Variants in ZNF385A observed in about 807,000 individuals in gnomAD.
ZNF385A encodes the protein hematopoietic zinc finger protein.
In ZNF385A, 14 loss-of-function variants were observed where a neutral mutation model predicts 32.1. The ratio of observed to expected loss-of-function variants is 0.44; its 90% confidence interval spans 0.29 to 0.68. The LOEUF is 0.68. Ranked by LOEUF, ZNF385A falls within the 30% of genes least tolerant of loss-of-function variation. The pLI is 0.14. For synonymous variants in ZNF385A, 197 were observed against 202.7 expected, an observed-to-expected ratio of 0.97 and a Z score of 0.24; for missense variants, 406 against 478.4, an observed-to-expected ratio of 0.85 and a Z score of 1.41.
At position 54,369,881 on chromosome 12, in the gene ZNF385A, A is replaced by C; in HGVS notation, c.*375T>G. On this transcript the variant is annotated 3_prime_UTR_variant, in exon 7 of 7. Coordinates refer to ENST00000394313, the MANE Select transcript of ZNF385A (RefSeq NM_015481.3). ...AGTCCGCTTATTGCCAAGAAAATCCATTTCTGTCCCCCCCGGACCCCGACC... is the reference window on the plus strand; with the variant it reads ...AGTCCGCTTATTGCCAAGAAAATCCCTTTCTGTCCCCCCCGGACCCCGACC... The C allele has an allele frequency of 5.7e-6, 1 of 175,614 alleles. No homozygotes were observed. The allele number at this position is 175,614 out of a possible 1,614,324, so 10.9% of individuals were successfully genotyped here. A position where few individuals can be genotyped will look rare whatever the true frequency, so the allele number is the denominator to read the frequency against.
chr12:54,377,984 C>A (rs1390376396), intron 1 of ZNF385A, among the ~76,000 whole-genome samples: 1 of 152,188 alleles, frequency 6.6e-6, no homozygotes, highest in African/African-American at 2.4e-5. Flanking sequence ...GGACTGGCCA[C>A]CCCAACATCC....
At chr12:54,381,302 G>T (rs140225854) in intron 1 of ZNF385A, 3 of 151,108 alleles carry the variant, frequency 2.0e-5, no homozygotes, top group African/African-American at 7.3e-5. Context: ...ACTTGCCTAA[G>T]ATCACACAGC....
At chr12:54,384,830 C>T (rs977364591), upstream of ZNF385A, 1 of 1,206,240 alleles carries the variant, frequency 8.3e-7, no homozygotes, top group Non-Finnish European at 1.0e-6. Flanking sequence ...ACTCCTTAGG[C>T]ACATTACAGA....
At chr12:54,386,625 C>T (rs934323615), upstream of ZNF385A, among the ~76,000 whole-genome samples, 1 of 152,158 alleles carries the variant, frequency 6.6e-6, no homozygotes, top group Non-Finnish European at 1.5e-5. Context: ...AACCTGAGTG[C>T]TCCCAGAGTC....
chr12:54,385,667 T>C, upstream of ZNF385A: 5 of 985,384 alleles, frequency 5.1e-6, no homozygotes, highest in Non-Finnish European at 6.0e-6. Context: ...CCACCCCCTT[T>C]CATACCTTTA....
At chr12:54,384,390 C>A in intron 1 of ZNF385A, 38 bp downstream of exon 1, 1 of 1,547,216 alleles carries the variant, frequency 6.5e-7, no homozygotes, top group Non-Finnish European at 8.7e-7. Context: ...AAGGTCGGGT[C>A]ACAAGAGGAT....
chr12:54,375,782 C>T, intron 2 of ZNF385A, 62 bp downstream of exon 2: 2 of 1,448,456 alleles, frequency 1.4e-6, no homozygotes, highest in East Asian at 2.3e-5. Context: ...CTCTGCCCTC[C>T]CTCAAGTTCC....
chr12:54,380,555 G>A (rs568478646), intron 1 of ZNF385A, among the ~76,000 whole-genome samples: 200 of 152,118 alleles, frequency 1.3e-3, no homozygotes, highest in African/African-American at 4.2e-3. Context: ...GATGCAGCCC[G>A]CCACACTCTC....
At chr12:54,378,737 GGAAGGGGCT>G (rs1291653324) in intron 1 of ZNF385A, among the ~76,000 whole-genome samples, 3 of 152,120 alleles carry the variant, frequency 2.0e-5, no homozygotes, top group Non-Finnish European at 4.4e-5. Flanking sequence ...AGGGATGCTG[GGAAGGGGCT>G]GGGGCTGGAG....
At chr12:54,385,561 C>T, upstream of ZNF385A, 1 of 902,232 alleles carries the variant, frequency 1.1e-6, no homozygotes, top group Non-Finnish European at 1.3e-6. Flanking sequence ...TTCCCAGGAA[C>T]AAAGGCAAAC....
intron 3 of ZNF385A, among the ~76,000 whole-genome samples, chr12:54,372,071 A>T (rs1274132318): frequency 6.6e-6 from 1 of 152,196 alleles, no homozygotes; most frequent in Non-Finnish European, 1.5e-5. Flanking sequence ...CTGCCAGGAC[A>T]GCCCCTTCCT....
At chr12:54,377,507 G>A (rs1487623756) in intron 1 of ZNF385A, among the ~76,000 whole-genome samples, 1 of 152,168 alleles carries the variant, frequency 6.6e-6, no homozygotes, top group African/African-American at 2.4e-5. Context: ...GTCATGTACT[G>A]TGCGTACATC....
At chr12:54,389,400 A>G (rs980037839), upstream of ZNF385A, among the ~76,000 whole-genome samples, 1 of 152,148 alleles carries the variant, frequency 6.6e-6, no homozygotes, top group Non-Finnish European at 1.5e-5. Flanking sequence ...TTCCTTCCTC[A>G]TAGAGGGCTA....
chr12:54,378,452 C>G (rs764404387), intron 1 of ZNF385A, among the ~76,000 whole-genome samples: 1 of 152,102 alleles, frequency 6.6e-6, no homozygotes, highest in Non-Finnish European at 1.5e-5. Context: ...CGCTCCCTGA[C>G]GCTGGGGCAA....
At chr12:54,378,695 G>A (rs991566844) in intron 1 of ZNF385A, among the ~76,000 whole-genome samples, 2 of 152,120 alleles carry the variant, frequency 1.3e-5, no homozygotes, top group East Asian at 1.9e-4. Flanking sequence ...GAGCTAGGGG[G>A]TATCTAGAGA....
chr12:54,374,217 G>A (rs1436900737), intron 2 of ZNF385A, 82 bp from the exon 3 acceptor site: 7 of 1,340,294 alleles, frequency 5.2e-6, no homozygotes, highest in East Asian at 5.2e-5. Context: ...TCAAGTCCTG[G>A]GGTGATCTCA....
intron 1 of ZNF385A, among the ~76,000 whole-genome samples, chr12:54,376,449 T>C (rs1185519571): frequency 6.6e-6 from 1 of 152,132 alleles, no homozygotes; most frequent in Non-Finnish European, 1.5e-5. Context: ...AGGAGACAGA[T>C]GTTCCCAGCC....
chr12:54,383,165 A>AAAAAC (rs113165208), intron 1 of ZNF385A, among the ~76,000 whole-genome samples: 3,005 of 152,104 alleles, frequency 0.02, 44 homozygotes, highest in Middle Eastern at 0.048. Flanking sequence ...ACTACATCTC[A>AAAAAC]AAAACAAAAC....
chr12:54,376,877 C>T (rs1954874624), intron 1 of ZNF385A, among the ~76,000 whole-genome samples: 1 of 152,224 alleles, frequency 6.6e-6, no homozygotes, highest in South Asian at 2.1e-4. Context: ...CTTTTGGCCT[C>T]TAGGCAGCTA....
Sources: allele counts gnomAD v4.1 joint callset (sites outside exome capture counted in the v4.1 genomes callset), GRCh38; gene constraint gnomAD v4.1.1; transcripts MANE v1.5; gene names NCBI Gene and HGNC (gene_info 2026-07-23, HGNC 2026-07-21).